BMP5: variants seen among roughly 807,000 people sequenced by gnomAD.
BMP5 encodes the protein bone morphogenetic protein 5.
BMP5 carries 23 observed loss-of-function variants against 46.6 expected under a neutral mutation model. The ratio of observed to expected loss-of-function variants is 0.49; its 90% CI spans 0.35 to 0.70. The LOEUF is 0.70. Ranked by LOEUF, BMP5 falls within the 30% of genes least tolerant of loss-of-function variation. The pLI is 0.00. For synonymous variants in BMP5, 204 were observed against 191.9 expected (o/e 1.06, Z -0.52); for missense variants, 545 against 565.6 (o/e 0.96, Z 0.37).
chr6:55,853,678 G>C (rs1321493019), intron 1 of BMP5, among the ~76,000 whole-genome samples: 1 of 152,098 alleles, frequency 6.6e-6, no homozygotes, highest in African/African-American at 2.4e-5. Flanking sequence ...TAATATGTAT[G>C]TAAGTTTCCA....
chr6:55,836,631 T>TACACACACACACACAC (rs61358651), intron 1 of BMP5, among the ~76,000 whole-genome samples: 1 of 139,516 alleles, frequency 7.2e-6, no homozygotes, highest in Non-Finnish European at 1.5e-5. Flanking sequence ...CATACATACA[T>TACACACACACACACAC]ACACACACAC....
At chr6:55,784,004 A>C (rs1391265589) in intron 3 of BMP5, among the ~76,000 whole-genome samples, 1 of 151,934 alleles carries the variant, frequency 6.6e-6, no homozygotes, top group Non-Finnish European at 1.5e-5. Flanking sequence ...ACCTTTTTTC[A>C]TATATGTTTT....
intron 1 of BMP5, among the ~76,000 whole-genome samples, chr6:55,836,180 G>A (rs566291464): frequency 1.3e-3 from 194 of 152,118 alleles, no homozygotes; most frequent in African/African-American, 2.8e-3. Flanking sequence ...TATTGAGTGC[G>A]TAAAGTATTT....
intron 4 of BMP5, among the ~76,000 whole-genome samples, chr6:55,770,397 T>C (rs1775021640): frequency 6.6e-6 from 1 of 151,962 alleles, no homozygotes; most frequent in Non-Finnish European, 1.5e-5. Context: ...TGCAGCTTCC[T>C]CAGCTCTCTC....
intron 1 of BMP5, among the ~76,000 whole-genome samples, chr6:55,852,343 T>C (rs965620965): frequency 6.6e-6 from 1 of 152,076 alleles, no homozygotes; most frequent in African/African-American, 2.4e-5. Flanking sequence ...TGATAGTAAA[T>C]CTATATGCAA....
chr6:55,796,714 T>C (rs577943318), intron 2 of BMP5, among the ~76,000 whole-genome samples: 1 of 144,942 alleles, frequency 6.9e-6, no homozygotes, highest in African/African-American at 2.5e-5. Context: ...TATGTTCTCA[T>C]TGTTCAATTC....
intron 1 of BMP5, among the ~76,000 whole-genome samples, chr6:55,870,332 T>G (rs1777753900): frequency 6.6e-6 from 1 of 152,128 alleles, no homozygotes; most frequent in Non-Finnish European, 1.5e-5. Flanking sequence ...TTGGTCGTGA[T>G]TATGAATGTG....
rs1774556913 is a variant in BMP5 at position 55,755,296 on chromosome 6, A to G, written c.*237T>C. ...AACCCATTGAAAATTATACTAGATGATCTATTGTATAATGTAGTGGCCTAT... is the reference window on the plus strand; with the variant it reads ...AACCCATTGAAAATTATACTAGATGGTCTATTGTATAATGTAGTGGCCTAT... On this transcript the variant is annotated 3_prime_UTR_variant, in exon 7 of 7. Transcript: ENST00000370830. 2.5e-6 allele frequency: 1 copy of G among 392,854 alleles called. No homozygotes were observed. Among genetic ancestry groups the G allele is most frequent in the South Asian group, 4.1e-5 (1 of 24,624 alleles). 24.3% of individuals were successfully genotyped at this position (392,854 alleles called of 1,614,324 possible).
intron 2 of BMP5, among the ~76,000 whole-genome samples, chr6:55,802,062 C>T (rs1487154606): frequency 6.6e-6 from 1 of 152,076 alleles, no homozygotes; most frequent in Non-Finnish European, 1.5e-5. Flanking sequence ...TCTCTCATAG[C>T]CAGATGTCTC....
Position 55,791,667 on chromosome 6 carries a change from G to T in BMP5, c.832+2612C>A, listed in dbSNP as rs142284041. Among the ~76,000 whole-genome samples the T allele has an allele frequency of 3.2e-3, 491 of 152,014 alleles. 3 individuals carry two copies. The highest frequency in any genetic ancestry group is 0.011 in the African/African-American group (474 of 41,510). On this transcript the variant is annotated intron_variant, in intron 3 of 6. Transcript: ENST00000370830. Reference sequence around the variant, plus strand: ...GAAAACAACATAGAAGTTAAATTATGGAAATAGTAAAAGAGAGAACCAATA... The same window carrying T: ...GAAAACAACATAGAAGTTAAATTATTGAAATAGTAAAAGAGAGAACCAATA...
Position 55,874,362 on chromosome 6 carries a change from A to C in BMP5, c.490+14T>G. Reference sequence around the variant, plus strand: ...TTGTAATAACATAGATTAACAAACAAATGAACAACATACCTAAGTTGACAA... The same window carrying C: ...TTGTAATAACATAGATTAACAAACACATGAACAACATACCTAAGTTGACAA... On this transcript the variant is annotated intron_variant, in intron 1 of 6. Transcript: ENST00000370830. The C allele has an allele frequency of 6.2e-7, 1 of 1,612,910 alleles. No individual in the cohort carries two copies. Among genetic ancestry groups the C allele is most frequent in the Non-Finnish European group, 8.5e-7 (1 of 1,179,354 alleles).
chr6:55,781,607 A>AC (rs1775319602), intron 3 of BMP5, among the ~76,000 whole-genome samples: 1 of 140,240 alleles, frequency 7.1e-6, no homozygotes, highest in Admixed American at 7.2e-5. Flanking sequence ...ATTATTCCAA[A>AC]TTTTTTTTTT....
rs1355280488 is a variant in BMP5, at chr6:55,753,750, C to G, written c.*1783G>C. ...CATAAAGAATCATGTGATCCACAAA[C>G]AGTTTACATTTGATAAATATTCTTA... On this transcript the variant is annotated 3_prime_UTR_variant, in exon 7 of 7. Transcript: ENST00000370830. 7.1e-6 allele frequency: 1 copy of G among 140,332 alleles called. No homozygotes were observed. Among genetic ancestry groups the G allele is most frequent in the South Asian group, 2.2e-4 (1 of 4,448 alleles). 8.7% of individuals were successfully genotyped at this position (140,332 alleles called of 1,614,324 possible).
intron 3 of BMP5, among the ~76,000 whole-genome samples, chr6:55,785,508 G>A (rs950479389): frequency 5.3e-5 from 8 of 151,808 alleles, no homozygotes; most frequent in East Asian, 1.9e-4. Context: ...AAGACATTAC[G>A]CGAGTTAGAA....
rs750436687 is a variant in BMP5, at chr6:55,755,682, C to T, written c.1216G>A (p.Val406Ile). The change falls in exon 7 of 7, where the codon GTT becomes ATT. Residue 406 changes from valine to isoleucine, a missense_variant and splice_region_variant. Transcript: ENST00000370830. Reference protein sequence around the residue: ...ATNHAIVQTLVHLMFPDHVPK... With the variant: ...ATNHAIVQTLIHLMFPDHVPK... ...ACGTGGTCAGGAAACATCAGATGAA[C>T]CTGGGAAAGAAAAAAGGTTTTGTTT... 1.1e-5 allele frequency: 17 copies of T among 1,611,180 alleles called. No homozygotes were observed. The highest frequency in any genetic ancestry group is 1.3e-5 in the Non-Finnish European group (15 of 1,178,266).
Position 55,806,440 on chromosome 6 carries a change from G to T in BMP5, c.684-12013C>A, listed in dbSNP as rs186925690. ...TTCATTGGTCTATCTGTCCGTTTTG[G>T]TAGCAGTGCCATGCTGTTTTGGTTA... On this transcript the variant is annotated intron_variant, in intron 2 of 6. Coordinates refer to ENST00000370830, the MANE Select transcript of BMP5 (RefSeq NM_021073.4). Among the ~76,000 whole-genome samples, 11 of 152,246 alleles carry T rather than the reference G, an allele frequency of 7.2e-5. No individual in the cohort carries two copies. In the East Asian group the frequency reaches 1.9e-3, roughly 27 times the overall value.
At chr6:55,816,934 C>G (rs369029422) in intron 2 of BMP5, among the ~76,000 whole-genome samples, 6 of 151,842 alleles carry the variant, frequency 4.0e-5, no homozygotes, top group Non-Finnish European at 1.5e-5. Context: ...AACAAGTGGG[C>G]GAAGGACATG....
chr6:55,780,023 G>A (rs893976435), intron 3 of BMP5, among the ~76,000 whole-genome samples: 13 of 151,696 alleles, frequency 8.6e-5, no homozygotes, highest in Admixed American at 2.0e-4. Flanking sequence ...GAGGTTTGGC[G>A]TACAATACCT....
intron 1 of BMP5, among the ~76,000 whole-genome samples, chr6:55,860,680 C>G (rs1230135533): frequency 6.6e-6 from 1 of 152,184 alleles, no homozygotes; most frequent in African/African-American, 2.4e-5. Context: ...TCTTGCCTTG[C>G]TTTTCAAAGC....
Sources: allele counts gnomAD v4.1 joint callset (sites outside exome capture counted in the v4.1 genomes callset), GRCh38; gene constraint gnomAD v4.1.1; transcripts MANE v1.5; gene names NCBI Gene and HGNC (gene_info 2026-07-23, HGNC 2026-07-21).